The following SUMF1 variants were observed in gnomAD, a reference collection of about 807,000 sequenced individuals.
SUMF1 encodes the protein formylglycine-generating enzyme.
In SUMF1, 48 loss-of-function variants were observed where a neutral mutation model predicts 47.6. The ratio of observed to expected loss-of-function variants is 1.01; its 90% CI spans 0.80 to 1.28. The LOEUF (loss-of-function observed/expected upper bound fraction) is 1.28, where lower values mean the gene tolerates loss of function less well. Among genes scored for constraint, SUMF1 ranks in the 50% most tolerant of loss-of-function variants. SUMF1 has a pLI of 0.00. For missense variants in SUMF1, 571 were observed against 485.4 expected (o/e 1.18, Z -1.66); for synonymous variants, 230 against 192.1 (o/e 1.20, Z -1.63).
At chr3:4,190,511 T>C (rs1476973532) in intron 8 of SUMF1, among the ~76,000 whole-genome samples, 1 of 144,996 alleles carries the variant, frequency 6.9e-6, no homozygotes. Flanking sequence ...GAATGCATTA[T>C]TAATACGAGC....
chr3:4,229,806 G>C (rs1696257716), intron 8 of SUMF1, among the ~76,000 whole-genome samples: 1 of 151,966 alleles, frequency 6.6e-6, no homozygotes, highest in African/African-American at 2.4e-5. Context: ...TTGAGACAAA[G>C]AGTTTGAGAC....
At chr3:4,253,944 G>C (rs1429150538) in intron 8 of SUMF1, among the ~76,000 whole-genome samples, 2 of 150,424 alleles carry the variant, frequency 1.3e-5, no homozygotes, top group Admixed American at 6.6e-5. Context: ...TCCTCAAGTG[G>C]GTCCCTGACC....
In SUMF1 at chr3:4,245,392, T is replaced by C. The variant is rs559895314; in HGVS notation, c.1014+130938A>G. Among the ~76,000 whole-genome samples, 9 of 152,320 alleles carry C rather than the reference T, an allele frequency of 5.9e-5. No homozygotes were observed. The South Asian group carries it at 1.9e-3, about 32-fold the overall frequency. ...TGCAGTTTTATCTACCTTTGGTCTTTAATGTTGGGACCTACAGATGGGGTT... is the reference window on the plus strand; with the variant it reads ...TGCAGTTTTATCTACCTTTGGTCTTCAATGTTGGGACCTACAGATGGGGTT... On this transcript the variant is annotated intron_variant and NMD_transcript_variant, in intron 8 of 12. Transcript: ENST00000448413.
intron 7 of SUMF1, among the ~76,000 whole-genome samples, chr3:4,397,317 A>G (rs1410075800): frequency 6.6e-6 from 1 of 152,224 alleles, no homozygotes; most frequent in Non-Finnish European, 1.5e-5. Context: ...ATTCACTGAA[A>G]GATTTGCTCC....
intron 8 of SUMF1, among the ~76,000 whole-genome samples, chr3:4,100,296 A>T (rs1559470241): frequency 6.6e-6 from 1 of 152,004 alleles, no homozygotes; most frequent in Non-Finnish European, 1.5e-5. Context: ...AATATATTCC[A>T]AAGCAATAAT....
In SUMF1 at chr3:4,218,218, A is replaced by T. The variant is rs141481801; in HGVS notation, c.1015-149473T>A. Reference sequence around the variant, plus strand: ...GAGAAATCAACCCTGTCAACCGAACACCTTGACCTCATGCTTCTAGCCTCC... The same window carrying T: ...GAGAAATCAACCCTGTCAACCGAACTCCTTGACCTCATGCTTCTAGCCTCC... On this transcript the variant is annotated intron_variant and NMD_transcript_variant, in intron 8 of 12. Transcript: ENST00000448413. 1.4e-3 allele frequency among the ~76,000 whole-genome samples: 210 copies of T among 152,166 alleles called. 1 individual carries two copies. Among genetic ancestry groups the T allele is most frequent in the African/African-American group, 4.9e-3 (202 of 41,534 alleles).
chr3:4,250,253 AG>A (rs1418361600), intron 8 of SUMF1, among the ~76,000 whole-genome samples: 17 of 141,110 alleles, frequency 1.2e-4, no homozygotes, highest in African/African-American at 4.2e-4. Context: ...GGAGAGGGAA[AG>A]GAAAAGGGAA....
intron 6 of SUMF1, among the ~76,000 whole-genome samples, chr3:4,412,752 G>A (rs1392675392): frequency 2.0e-5 from 3 of 151,984 alleles, no homozygotes; most frequent in African/African-American, 7.2e-5. Flanking sequence ...CCAGGCAGGT[G>A]CATGGTGCAC....
chr3:4,132,512 T>C (rs940432264), intron 8 of SUMF1, among the ~76,000 whole-genome samples: 3 of 152,124 alleles, frequency 2.0e-5, no homozygotes, highest in African/African-American at 7.2e-5. Context: ...CCAGGATTCA[T>C]CGGTCCAGGT....
chr3:4,465,905 T>C (rs983488530), intron 1 of SUMF1, among the ~76,000 whole-genome samples: 121 of 152,320 alleles, frequency 7.9e-4, no homozygotes, highest in Middle Eastern at 3.4e-3. Flanking sequence ...CTGTGGATGT[T>C]ACCTCTCACC....
chr3:4,386,412 G>T (rs1700675313), intron 7 of SUMF1, among the ~76,000 whole-genome samples: 1 of 152,050 alleles, frequency 6.6e-6, no homozygotes, highest in Non-Finnish European at 1.5e-5. Flanking sequence ...CCATGTGTTT[G>T]TTGTTAGTCT....
In SUMF1 at chr3:4,377,574, C is replaced by T. The variant is rs548364611; in HGVS notation, c.955-1185G>A. Among the ~76,000 whole-genome samples the T allele has an allele frequency of 4.7e-4, 71 of 151,658 alleles. No individual in the cohort carries two copies. The South Asian group carries it at 0.014, about 30-fold the overall frequency. ...CTTAAAAGGAGGCAAGGAAGAGCAG[C>T]GTCTACCACTGTAATAAGAATTAAC... On this transcript the variant is annotated intron_variant, in intron 7 of 8. Coordinates refer to ENST00000272902, the MANE Select transcript of SUMF1 (RefSeq NM_182760.4).
intron 8 of SUMF1, among the ~76,000 whole-genome samples, chr3:4,329,447 C>T (rs190463734): frequency 9.9e-5 from 15 of 152,260 alleles, no homozygotes; most frequent in East Asian, 7.7e-4. Flanking sequence ...CTCAAAACCA[C>T]GTGAAAGCTG....
chr3:4,463,849 C>T (rs575757027), intron 1 of SUMF1, among the ~76,000 whole-genome samples: 37 of 152,312 alleles, frequency 2.4e-4, no homozygotes, highest in Non-Finnish European at 3.8e-4. Flanking sequence ...TCATAACCCA[C>T]GCAGAAAACT....
intron 8 of SUMF1, among the ~76,000 whole-genome samples, chr3:4,136,208 C>T (rs896457128): frequency 6.6e-6 from 1 of 152,136 alleles, no homozygotes; most frequent in Non-Finnish European, 1.5e-5. Flanking sequence ...AGGCATCATG[C>T]TACCTGACTT....
At chr3:4,256,102 A>T (rs1696948234) in intron 8 of SUMF1, among the ~76,000 whole-genome samples, 1 of 146,632 alleles carries the variant, frequency 6.8e-6, no homozygotes, top group Non-Finnish European at 1.5e-5. Context: ...AATCTCTGGG[A>T]CGCATTCAAA....
intron 8 of SUMF1, among the ~76,000 whole-genome samples, chr3:4,074,252 C>T (rs913735308): frequency 1.3e-5 from 2 of 152,044 alleles, no homozygotes; most frequent in African/African-American, 2.4e-5. Flanking sequence ...GGATAAATAA[C>T]AAAATGAAGG....
chr3:4,077,254 C>A (rs1365993199), intron 8 of SUMF1, among the ~76,000 whole-genome samples: 3 of 152,086 alleles, frequency 2.0e-5, no homozygotes, highest in African/African-American at 7.3e-5. Context: ...GTGGCAATTC[C>A]TCAAGGATCT....
At chr3:4,326,525 T>TTTA (rs1372037258) in intron 8 of SUMF1, among the ~76,000 whole-genome samples, 1 of 148,744 alleles carries the variant, frequency 6.7e-6, no homozygotes, top group Non-Finnish European at 1.5e-5. Flanking sequence ...TCCAAGGGTT[T>TTTA]TTTTTTTTTT....
Sources: gnomAD v4.1 joint callset for allele counts (sites outside exome capture counted in the v4.1 genomes callset) on GRCh38, gnomAD v4.1.1 for gene constraint, MANE v1.5 for transcripts, NCBI Gene and HGNC (gene_info 2026-07-23, HGNC 2026-07-21) for gene names.